Variants in RALA observed in about 807,000 individuals in gnomAD.
The protein encoded by RALA is RAS like proto-oncogene A.
A neutral mutation model predicts 24.0 loss-of-function variants in RALA; 5 were observed. The observed-to-expected ratio is 0.21, with a 90% CI of 0.11 to 0.44. RALA has a LOEUF of 0.44. Among genes scored for constraint, RALA ranks in the 20% least tolerant of loss-of-function variants. The pLI is 0.99. For synonymous variants in RALA, 77 were observed against 83.8 expected, an observed-to-expected ratio of 0.92 and a Z score of 0.44; for missense variants, 95 against 241.2, an observed-to-expected ratio of 0.39 and a Z score of 4.01.
intron 4 of RALA, among the ~76,000 whole-genome samples, chr7:39,697,686 G>A (rs1265887897): frequency 6.6e-6 from 1 of 152,176 alleles, no homozygotes; most frequent in East Asian, 1.9e-4. Context: ...CTGGAATGGG[G>A]CCTAAGAATT....
intron 1 of RALA, among the ~76,000 whole-genome samples, chr7:39,629,047 G>A (rs1477064366): frequency 6.6e-6 from 1 of 152,152 alleles, no homozygotes; most frequent in Non-Finnish European, 1.5e-5. Flanking sequence ...CTAATATTTT[G>A]CAATTACAAA....
At chr7:39,671,349 T>C (rs1054748683) in intron 1 of RALA, among the ~76,000 whole-genome samples, 2 of 152,218 alleles carry the variant, frequency 1.3e-5, no homozygotes, top group African/African-American at 2.4e-5. Context: ...GTCTCAGCCA[T>C]CACTTTCTCA....
rs1791413734 is a variant in RALA, at chr7:39,623,627, T to G, written c.-236T>G. On this transcript the variant is annotated 5_prime_UTR_variant, in exon 1 of 5. Coordinates refer to ENST00000005257, the MANE Select transcript of RALA (RefSeq NM_005402.4). The surrounding 1 kb of genome is among the most constrained non-coding windows in gnomAD (Gnocchi z 4.9). The stretch of plus-strand genomic sequence containing the variant: ...GGGTGGATCTCCCCAGAGCAAAGCG[T>G]CGGAGTCCTCCTCCTCCTTCTCCTC... 6.5e-6 allele frequency: 1 copy of G among 153,542 alleles called. No homozygotes were observed. Among genetic ancestry groups the G allele is most frequent in the Non-Finnish European group, 1.5e-5 (1 of 68,762 alleles). The allele number at this position is 153,542 out of a possible 1,614,324, so 9.5% of individuals were successfully genotyped here.
At chr7:39,643,523 C>G (rs1791857225) in intron 1 of RALA, among the ~76,000 whole-genome samples, 1 of 152,112 alleles carries the variant, frequency 6.6e-6, no homozygotes. Context: ...GAGTTCGAGA[C>G]TAGCCTGGCC....
intron 1 of RALA, among the ~76,000 whole-genome samples, chr7:39,656,938 T>TTTTG (rs920549438): frequency 2.0e-5 from 3 of 151,982 alleles, no homozygotes; most frequent in African/African-American, 4.8e-5. Context: ...TCTGTTCCAG[T>TTTTG]TTTGTTTGTT....
intron 1 of RALA, among the ~76,000 whole-genome samples, chr7:39,678,089 T>A (rs1562619913): frequency 6.7e-6 from 1 of 150,210 alleles, no homozygotes. Flanking sequence ...ATATACCTAA[T>A]GCTAGATGAC....
At chr7:39,651,048 G>T (rs936760893) in intron 1 of RALA, among the ~76,000 whole-genome samples, 6 of 152,168 alleles carry the variant, frequency 3.9e-5, no homozygotes, top group Non-Finnish European at 7.3e-5. Context: ...CTGTATCGTA[G>T]ACAGTCCCCG....
intron 1 of RALA, among the ~76,000 whole-genome samples, chr7:39,646,687 A>G (rs914239610): frequency 1.3e-5 from 2 of 152,210 alleles, no homozygotes; most frequent in African/African-American, 4.8e-5. Context: ...AAAAGTTTCT[A>G]AGTGTGTACT....
chr7:39,639,654 C>T lies in RALA; in HGVS notation c.-38+15829C>T, dbSNP rs539786367. Among the ~76,000 whole-genome samples the T allele has an allele frequency of 1.2e-4, 19 of 152,276 alleles. No individual in the cohort carries two copies. In the South Asian group the frequency reaches 3.9e-3, roughly 32 times the overall value. ...TATCCTGTGTTTTCATGCATTTGTC[C>T]TATGATCATAGACTTTACAGATTTT... On this transcript the variant is annotated intron_variant, in intron 1 of 4. Coordinates refer to ENST00000005257, the MANE Select transcript of RALA (RefSeq NM_005402.4).
rs763086679 is a variant in RALA, at chr7:39,674,630, A to G, written c.-37-12001A>G. On this transcript the variant is annotated intron_variant, in intron 1 of 4. Coordinates refer to ENST00000005257, the MANE Select transcript of RALA (RefSeq NM_005402.4). Reference sequence around the variant, plus strand: ...CTTTCCCTGTGCTCTGAGACATTAAATAGTACAGATTGAGTATCCTTTATC... The same window carrying G: ...CTTTCCCTGTGCTCTGAGACATTAAGTAGTACAGATTGAGTATCCTTTATC... Among the ~76,000 whole-genome samples the G allele has an allele frequency of 9.2e-5, 14 of 152,284 alleles. No individual in the cohort carries two copies. The East Asian group carries it at 9.6e-4, about 10-fold the overall frequency.
chr7:39,669,402 A>G (rs1001538813), intron 1 of RALA, among the ~76,000 whole-genome samples: 1 of 152,236 alleles, frequency 6.6e-6, no homozygotes, highest in Admixed American at 6.5e-5. Context: ...CCAAAAGATC[A>G]GAGAAGCAGC....
At chr7:39,705,552 G>A (rs1302781872) in intron 4 of RALA, among the ~76,000 whole-genome samples, 1 of 151,822 alleles carries the variant, frequency 6.6e-6, no homozygotes, top group Non-Finnish European at 1.5e-5. Context: ...ATTATTTACC[G>A]GTTCCTAGAC....
intron 1 of RALA, among the ~76,000 whole-genome samples, chr7:39,656,633 A>G (rs1792101553): frequency 6.6e-6 from 1 of 152,224 alleles, no homozygotes; most frequent in Admixed American, 6.5e-5. Flanking sequence ...CATAACATGA[A>G]ACTGTTAGGT....
intron 1 of RALA, among the ~76,000 whole-genome samples, chr7:39,655,560 A>G (rs2115980015): frequency 6.6e-6 from 1 of 152,308 alleles, no homozygotes; most frequent in South Asian, 2.1e-4. Context: ...TAAGCTTTTG[A>G]TAACCAAGGT....
At chr7:39,627,079 T>C (rs79702414) in intron 1 of RALA, among the ~76,000 whole-genome samples, 3,808 of 147,482 alleles carry the variant, frequency 0.026, 91 homozygotes, top group South Asian at 0.14. Context: ...CTCTCTCTCT[T>C]TTTTTTTTTT....
chr7:39,633,443 G>A lies in RALA; in HGVS notation c.-38+9618G>A, dbSNP rs535055468. On this transcript the variant is annotated intron_variant, in intron 1 of 4. Transcript: ENST00000005257. ...TGAGAGTGAGCAGGAGCGAGCATGT[G>A]CATGCAAGAGCAGGAAAAACTGCCT... 2.6e-5 allele frequency among the ~76,000 whole-genome samples: 4 copies of A among 152,288 alleles called. No individual in the cohort carries two copies. The South Asian group carries it at 8.3e-4, about 32-fold the overall frequency.
At chr7:39,639,502 TTA>T (rs1173819951) in intron 1 of RALA, among the ~76,000 whole-genome samples, 5 of 152,178 alleles carry the variant, frequency 3.3e-5, no homozygotes, top group African/African-American at 1.2e-4. Flanking sequence ...CTGTAGTGCA[TTA>T]TGGTTAAGAC....
intron 1 of RALA, among the ~76,000 whole-genome samples, chr7:39,657,914 G>A (rs534321699): frequency 2.0e-3 from 307 of 152,288 alleles, no homozygotes; most frequent in Middle Eastern, 0.014. Flanking sequence ...TGGGCCTGAT[G>A]CCCAGCCTGT....
At chr7:39,658,122 TA>T (rs1331641773) in intron 1 of RALA, among the ~76,000 whole-genome samples, 1 of 152,198 alleles carries the variant, frequency 6.6e-6, no homozygotes, top group Non-Finnish European at 1.5e-5. Flanking sequence ...AGACAGTTGC[TA>T]AATGCAGGGC....
Sources: allele counts gnomAD v4.1 joint callset (sites outside exome capture counted in the v4.1 genomes callset), GRCh38; gene constraint gnomAD v4.1.1; non-coding constraint Gnocchi (gnomAD v3.1); transcripts MANE v1.5; gene names NCBI Gene and HGNC (gene_info 2026-07-23, HGNC 2026-07-21).